ZNF438: variants seen among roughly 807,000 people sequenced by gnomAD.
ZNF438 encodes zinc finger protein 438.
In ZNF438, 25 loss-of-function variants were observed where a neutral mutation model predicts 38.0. That is an observed-to-expected ratio of 0.66 (90% CI 0.48 to 0.92). ZNF438 has a LOEUF of 0.92. Ranked by LOEUF, ZNF438 falls within the 40% of genes least tolerant of loss-of-function variation. The pLI, the probability that ZNF438 is intolerant of heterozygous loss-of-function variation, is 0.00. For synonymous variants in ZNF438, 372 were observed against 364.1 expected, an observed-to-expected ratio of 1.02 and a Z score of -0.25; for missense variants, 1,007 against 999.6, an observed-to-expected ratio of 1.01 and a Z score of -0.10.
At chr10:30,860,922 A>G (rs2035473552) in intron 4 of ZNF438, among the ~76,000 whole-genome samples, 1 of 152,034 alleles carries the variant, frequency 6.6e-6, no homozygotes, top group African/African-American at 2.4e-5. Context: ...GATGGGGCCC[A>G]GAGTGGGGTT....
chr10:30,964,377 T>G (rs2049887065), intron 1 of ZNF438, among the ~76,000 whole-genome samples: 1 of 152,244 alleles, frequency 6.6e-6, no homozygotes, highest in Non-Finnish European at 1.5e-5. Context: ...TGCCTCTCAC[T>G]TAGCTCATAA....
chr10:30,898,474 G>A (rs2041619310), intron 3 of ZNF438, among the ~76,000 whole-genome samples: 2 of 152,054 alleles, frequency 1.3e-5, no homozygotes, highest in African/African-American at 2.4e-5. Context: ...TTTGGGGCTT[G>A]ACTTGGTGGC....
chr10:30,985,133 T>C (rs1051181522), intron 1 of ZNF438, among the ~76,000 whole-genome samples: 2 of 152,174 alleles, frequency 1.3e-5, no homozygotes, highest in African/African-American at 4.8e-5. Flanking sequence ...AAATGTACTG[T>C]AACTGATACT....
chr10:30,961,742 G>T (rs1028213431), intron 1 of ZNF438, among the ~76,000 whole-genome samples: 1 of 145,602 alleles, frequency 6.9e-6, no homozygotes, highest in Non-Finnish European at 1.6e-5. Flanking sequence ...CAAGAGATTG[G>T]CCGGGTGTGG....
chr10:30,848,766 G>A (rs778474907), exon 5 of ZNF438: 1 of 1,614,248 alleles, frequency 6.2e-7, no homozygotes, highest in South Asian at 1.1e-5. Flanking sequence ...AGGCTGCCAG[G>A]ACGTACATAG....
At chr10:30,892,972 A>G (rs2040879677) in intron 3 of ZNF438, among the ~76,000 whole-genome samples, 1 of 152,218 alleles carries the variant, frequency 6.6e-6, no homozygotes, top group Admixed American at 6.5e-5. Flanking sequence ...TTACAAAGCT[A>G]CATACAGTGT....
intron 2 of ZNF438, among the ~76,000 whole-genome samples, chr10:30,914,987 G>A (rs1307073457): frequency 6.6e-6 from 1 of 151,916 alleles, no homozygotes; most frequent in Non-Finnish European, 1.5e-5. Flanking sequence ...CTCAAAACTT[G>A]TTTAGGCAGC....
chr10:30,952,490 G>T (rs1051963936), intron 1 of ZNF438, among the ~76,000 whole-genome samples: 8 of 150,234 alleles, frequency 5.3e-5, no homozygotes, highest in Non-Finnish European at 3.0e-5. Context: ...GAAAATTTTC[G>T]CAACCTACTC....
chr10:30,847,368 T>C (rs1359723423), intron 5 of ZNF438, among the ~76,000 whole-genome samples: 1 of 152,182 alleles, frequency 6.6e-6, no homozygotes, highest in African/African-American at 2.4e-5. Flanking sequence ...CTACCCTCTC[T>C]GCTGAGAGCA....
intron 1 of ZNF438, among the ~76,000 whole-genome samples, chr10:31,024,559 C>T (rs1482854627): frequency 6.6e-6 from 1 of 151,802 alleles, no homozygotes. Flanking sequence ...ACCCGGGAGG[C>T]GGAGCTTGCA....
chr10:30,888,809 A>G (rs1281978725), intron 3 of ZNF438, among the ~76,000 whole-genome samples: 2 of 152,158 alleles, frequency 1.3e-5, no homozygotes, highest in Non-Finnish European at 2.9e-5. Flanking sequence ...TGTCTTTGCT[A>G]TTGTGAATAG....
chr10:30,856,469 T>G (rs1373619700), intron 4 of ZNF438, among the ~76,000 whole-genome samples: 1 of 139,748 alleles, frequency 7.2e-6, no homozygotes, highest in African/African-American at 2.6e-5. Flanking sequence ...TCTAACATAC[T>G]AAGATAGTAT....
At chr10:31,021,054 CTTTTT>C (rs9331411) in intron 1 of ZNF438, among the ~76,000 whole-genome samples, 2 of 128,554 alleles carry the variant, frequency 1.6e-5, no homozygotes, top group African/African-American at 2.9e-5. Context: ...ACAACAGCAA[CTTTTT>C]TTTTTTTTTT....
intron 3 of ZNF438, among the ~76,000 whole-genome samples, chr10:30,891,750 T>C (rs1433234821): frequency 6.6e-6 from 1 of 152,172 alleles, no homozygotes; most frequent in Non-Finnish European, 1.5e-5. Context: ...AGACTCACGT[T>C]TGTGGCAAAT....
chr10:31,002,594 A>T lies in ZNF438; in HGVS notation c.-192+29239T>A, dbSNP rs145645624. ...TCTTGATACTAGCTAGACCTGATTT[A>T]AAAAACATGATGTGCATAAACATTC... On this transcript the variant is annotated intron_variant, in intron 1 of 5. Transcript: ENST00000413025. 5.0e-3 allele frequency among the ~76,000 whole-genome samples: 756 copies of T among 152,352 alleles called. 5 individuals carry two copies. Among genetic ancestry groups the T allele is most frequent in the Middle Eastern group, 0.034 (10 of 294 alleles).
intron 1 of ZNF438, among the ~76,000 whole-genome samples, chr10:31,015,900 T>A (rs1412226438): frequency 2.6e-5 from 4 of 152,184 alleles, no homozygotes; most frequent in African/African-American, 4.8e-5. Context: ...TCTCTTCCTC[T>A]CCTTATAGGG....
At chr10:30,938,585 C>T (rs1182582019) in intron 2 of ZNF438, among the ~76,000 whole-genome samples, 1 of 151,924 alleles carries the variant, frequency 6.6e-6, no homozygotes, top group Non-Finnish European at 1.5e-5. Flanking sequence ...CTAGCTCTAG[C>T]ACTATTCTTC....
chr10:30,954,885 G>C (rs1374409966), intron 1 of ZNF438, among the ~76,000 whole-genome samples: 1 of 152,146 alleles, frequency 6.6e-6, no homozygotes, highest in Non-Finnish European at 1.5e-5. Context: ...TGCAAAAAAT[G>C]ACCATTTCTT....
At chr10:31,026,415 C>T (rs974491996) in intron 1 of ZNF438, among the ~76,000 whole-genome samples, 5 of 152,052 alleles carry the variant, frequency 3.3e-5, no homozygotes, top group African/African-American at 1.2e-4. Flanking sequence ...ACAACCCCAT[C>T]AACAAGTGTG....
Sources: gnomAD v4.1 joint callset for allele counts (sites outside exome capture counted in the v4.1 genomes callset) on GRCh38, gnomAD v4.1.1 for gene constraint, MANE v1.5 for transcripts, NCBI Gene and HGNC (gene_info 2026-07-23, HGNC 2026-07-21) for gene names.